Variants in TRIM26 observed in about 807,000 individuals in gnomAD.
TRIM26 encodes the protein tripartite motif containing 26, also known as tripartite motif-containing protein 26.
Under a neutral mutation model 45.5 loss-of-function variants are expected in TRIM26, and 16 were observed. The ratio of observed to expected loss-of-function variants is 0.35; its 90% CI spans 0.24 to 0.53. TRIM26 has a LOEUF of 0.53. TRIM26 is among the 20% of genes least tolerant of loss of function. The pLI is 0.92. For missense variants in TRIM26, 442 were observed against 691.1 expected (o/e 0.64, Z 4.04); for synonymous variants, 273 against 290.4 (o/e 0.94, Z 0.61).
Position 30,185,843 on chromosome 6 carries a change from C to CCAAAGAAG in TRIM26, c.*32_*33insCTTCTTTG, listed in dbSNP as rs1157497013. ...CTGGAATTCCAAAGAAGTGAAGCAT[C>CCAAAGAAG]TGAGGGTTGGGGCTGGGGGCAGATG... On this transcript the variant is annotated 3_prime_UTR_variant, in exon 10 of 10. Coordinates refer to ENST00000454678, the MANE Select transcript of TRIM26 (RefSeq NM_003449.5). The surrounding 1 kb of genome is among the most constrained non-coding windows in gnomAD (Gnocchi z 5.7). The CCAAAGAAG allele has an allele frequency of 6.3e-7, 1 of 1,583,730 alleles. No individual in the cohort carries two copies.
In TRIM26 at chr6:30,185,981, T is replaced by C. The variant is rs768912172; in HGVS notation, c.1515A>G (p.Ala505=). The C allele has an allele frequency of 6.2e-7, 1 of 1,612,554 alleles. No homozygotes were observed. The highest frequency in any genetic ancestry group is 1.1e-5 in the South Asian group (1 of 91,014). Residue 505 remains alanine (A), a synonymous_variant, in exon 10 of 10, where the codon GCA becomes GCG. Coordinates refer to ENST00000454678, the MANE Select transcript of TRIM26 (RefSeq NM_003449.5). The surrounding 1 kb of genome is among the most constrained non-coding windows in gnomAD (Gnocchi z 5.7). ...YEGGTVTFTN[A]ESQELIYTFT... ...AGGTGTAGATGAGTTCCTGTGACTC[T>C]GCGTTGGTGAAAGTCACGGTGCCCC...
At chr6:30,197,377 A>G (rs932025476) in intron 5 of TRIM26, among the ~76,000 whole-genome samples, 1 of 152,100 alleles carries the variant, frequency 6.6e-6, no homozygotes, top group African/African-American at 2.4e-5. Flanking sequence ...GAGGGCCTGG[A>G]GGGGTCCTTG....
At chr6:30,212,674 G>T (rs1778399817) in intron 1 of TRIM26, among the ~76,000 whole-genome samples, 3 of 152,078 alleles carry the variant, frequency 2.0e-5, no homozygotes, top group Admixed American at 1.3e-4. Context: ...AAAACAGGAG[G>T]TTAAGGCATG....
Position 30,198,717 on chromosome 6 carries a change from C to A in TRIM26, c.387G>T (p.Glu129Asp), listed in dbSNP as rs757857860. 6.2e-7 allele frequency: 1 copy of A among 1,604,550 alleles called. No individual in the cohort carries two copies. The highest frequency in any genetic ancestry group is 1.7e-5 in the Admixed American group (1 of 59,982). ...TGAGGACGGCCGTGTGGGGCCTGTGCTCCCGGGACTCCCGGCACATCACGC... is the reference window on the plus strand; with the variant it reads ...TGAGGACGGCCGTGTGGGGCCTGTGATCCCGGGACTCCCGGCACATCACGC... ...LLCVMCRESREHRPHTAVLME... is the reference protein window; with the variant it reads ...LLCVMCRESRDHRPHTAVLME... Residue 129 changes from glutamate to aspartate, a missense_variant, in exon 4 of 10, where the codon GAG (glutamate) becomes GAT (aspartate). Transcript: ENST00000454678. The surrounding 1 kb of genome is among the most constrained non-coding windows in gnomAD (Gnocchi z 6.3).
chr6:30,203,777 C>G (rs1422970523), intron 2 of TRIM26, among the ~76,000 whole-genome samples: 1 of 150,198 alleles, frequency 6.7e-6, no homozygotes, highest in Non-Finnish European at 1.5e-5. Context: ...TGTCTCCCAC[C>G]TAATTTGAAA....
intron 2 of TRIM26, among the ~76,000 whole-genome samples, chr6:30,202,118 T>C (rs1369967356): frequency 6.6e-6 from 1 of 151,342 alleles, no homozygotes; most frequent in Non-Finnish European, 1.5e-5. Context: ...TATTTTGCAA[T>C]TTACTTGCAA....
In TRIM26 at chr6:30,207,149, T is replaced by C. The variant is rs1777810775; in HGVS notation, c.-375-2384A>G. 6.6e-6 allele frequency among the ~76,000 whole-genome samples: 1 copy of C among 151,834 alleles called. No homozygotes were observed. The highest frequency in any genetic ancestry group is 1.9e-4 in the East Asian group (1 of 5,166). On this transcript the variant is annotated intron_variant, in intron 1 of 9. Coordinates refer to ENST00000454678, the MANE Select transcript of TRIM26 (RefSeq NM_003449.5). This position sits in a 1 kb window ranked among gnomAD's most constrained non-coding sequence, Gnocchi z 4.9. ...TGCAGTGAGGCGAGCAGAGGAAGGG[T>C]GGAGAAACAGGAGGGAACAGATTAT... is the stretch of plus-strand genomic sequence containing the variant.
chr6:30,199,430 T>C (rs572868438), intron 3 of TRIM26, among the ~76,000 whole-genome samples, 166 bp from the exon 4 acceptor site: 24 of 152,272 alleles, frequency 1.6e-4, no homozygotes, highest in African/African-American at 5.5e-4. Context: ...TCAACACCCT[T>C]TCCTTCTATC....
Position 30,189,411 on chromosome 6 carries a change from C to A in TRIM26, c.904+7G>T. ...CTCCCACCCTTTGTGCGCTCCCCAA[C>A]CCTTACCCTGGAATTCCCTCAGGCC... is the stretch of plus-strand genomic sequence containing the variant. On this transcript the variant is annotated splice_region_variant and intron_variant, in intron 8 of 9. Transcript: ENST00000454678. This position sits in a 1 kb window ranked among gnomAD's most constrained non-coding sequence, Gnocchi z 5.0. 3 of 1,612,838 alleles carry A rather than the reference C, an allele frequency of 1.9e-6. No individual in the cohort carries two copies. The highest frequency in any genetic ancestry group is 2.5e-6 in the Non-Finnish European group (3 of 1,179,874).
intron 1 of TRIM26, among the ~76,000 whole-genome samples, 159 bp from the exon 2 acceptor site, chr6:30,204,924 G>A (rs924395868): frequency 6.6e-6 from 1 of 152,038 alleles, no homozygotes. Context: ...CTGGGGGTGA[G>A]GGGGTATTTT....
At chr6:30,213,099 A>T (rs1778455777) in intron 1 of TRIM26, among the ~76,000 whole-genome samples, 1 of 152,146 alleles carries the variant, frequency 6.6e-6, no homozygotes, top group Non-Finnish European at 1.5e-5. Context: ...GAAAGACCCA[A>T]GAGGAGGGGG....
chr6:30,186,570 AGGG>A lies in TRIM26; in HGVS notation c.938-15_938-13del. 1.4e-6 allele frequency: 2 copies of A among 1,418,290 alleles called. No individual in the cohort carries two copies. Among genetic ancestry groups the A allele is most frequent in the African/African-American group, 1.6e-5 (1 of 63,986 alleles). 87.9% of individuals were successfully genotyped at this position (1,418,290 alleles called of 1,614,324 possible). A position where few individuals can be genotyped will look rare whatever the true frequency, so the allele number is the denominator to read the frequency against. ...CAGGGTGACGCTCACTGTGGGGACA[AGGG>A]AAAAAAAAAAAAACAGCATCACTGT... On this transcript the variant is annotated splice_polypyrimidine_tract_variant and intron_variant, in intron 9 of 9. Transcript: ENST00000454678. This position sits in a 1 kb window ranked among gnomAD's most constrained non-coding sequence, Gnocchi z 7.4.
intron 1 of TRIM26, among the ~76,000 whole-genome samples, chr6:30,211,265 C>CCA (rs770785433): frequency 6.6e-6 from 1 of 152,136 alleles, no homozygotes; most frequent in Non-Finnish European, 1.5e-5. Context: ...TGGCCTCCCT[C>CCA]CACACACACA....
chr6:30,194,716 G>A (rs1043376906), intron 6 of TRIM26, among the ~76,000 whole-genome samples: 2 of 151,970 alleles, frequency 1.3e-5, no homozygotes, highest in African/African-American at 4.8e-5. Flanking sequence ...ATAGCCAGGT[G>A]TGGTGATGTG....
At chr6:30,197,987 C>G (rs1381429896) in intron 5 of TRIM26, among the ~76,000 whole-genome samples, 1 of 152,212 alleles carries the variant, frequency 6.6e-6, no homozygotes, top group African/African-American at 2.4e-5. Flanking sequence ...CCTGCCTTAG[C>G]TGTTTTCTAG....
At position 30,189,543 on chromosome 6, in the gene TRIM26, T is replaced by A. The variant is rs1229570047; in HGVS notation, c.789-10A>T. The A allele has an allele frequency of 6.2e-7, 1 of 1,604,196 alleles. No individual in the cohort carries two copies. Among genetic ancestry groups the A allele is most frequent in the Non-Finnish European group, 8.5e-7 (1 of 1,172,094 alleles). ...CTTCTTCCGTGGATACCTAAGAAGA[T>A]GACATACATAACAAGCTGTTACTCA... On this transcript the variant is annotated splice_polypyrimidine_tract_variant and intron_variant, in intron 7 of 9. Coordinates refer to ENST00000454678, the MANE Select transcript of TRIM26 (RefSeq NM_003449.5). This position sits in a 1 kb window ranked among gnomAD's most constrained non-coding sequence, Gnocchi z 5.0.
At position 30,208,904 on chromosome 6, in the gene TRIM26, A is replaced by ATGTGTGTG. The variant is rs9278612; in HGVS notation, c.-375-4147_-375-4140dup. Among the ~76,000 whole-genome samples the ATGTGTGTG allele has an allele frequency of 9.3e-3, 1,312 of 140,722 alleles. 9 individuals carry two copies. Among genetic ancestry groups the ATGTGTGTG allele is most frequent in the East Asian group, 0.015 (71 of 4,696 alleles). The allele number at this position is 140,722 out of a possible 152,430, so 92.3% of individuals were successfully genotyped here. ...CACTCTGGAGGATGGGATATAGAAT[A>ATGTGTGTG]TGTGTGTGTGTGTGTGTGTGTGTGT... On this transcript the variant is annotated intron_variant, in intron 1 of 9. Transcript: ENST00000454678.
Position 30,189,756 on chromosome 6 carries a change from A to G in TRIM26, c.789-223T>C. The G allele has an allele frequency of 1.6e-6, 1 of 633,258 alleles. No individual in the cohort carries two copies. The highest frequency in any genetic ancestry group is 2.7e-6 in the Non-Finnish European group (1 of 365,528). The allele number at this position is 633,258 out of a possible 1,614,324, so 39.2% of individuals were successfully genotyped here. ...GCTCTGTCTACTAAGCCATGTTTCTAACCTCTCTGCTCTGTCCCACCTCAA... is the reference window on the plus strand; with the variant it reads ...GCTCTGTCTACTAAGCCATGTTTCTGACCTCTCTGCTCTGTCCCACCTCAA... On this transcript the variant is annotated intron_variant, in intron 7 of 9. Transcript: ENST00000454678. The surrounding 1 kb of genome is among the most constrained non-coding windows in gnomAD (Gnocchi z 5.0).
intron 1 of TRIM26, among the ~76,000 whole-genome samples, chr6:30,205,109 CGCATGCCTATAATCCCAGCTACTGG>C (rs1277762052): frequency 2.6e-5 from 4 of 152,008 alleles, no homozygotes; most frequent in African/African-American, 9.7e-5. Context: ...GGTGTGGTGG[CGCATGCCTATAATCCCAGCTACTGG>C]GCAGGCTGAG....
Sources: gnomAD v4.1 joint callset for allele counts (sites outside exome capture counted in the v4.1 genomes callset) on GRCh38, gnomAD v4.1.1 for gene constraint, Gnocchi (gnomAD v3.1) non-coding constraint, MANE v1.5 for transcripts, NCBI Gene and HGNC (gene_info 2026-07-23, HGNC 2026-07-21) for gene names.